RP1: variants seen among roughly 807,000 people sequenced by gnomAD.
RP1 encodes the protein RP1 axonemal microtubule associated, also known as oxygen-regulated protein 1.
A neutral mutation model predicts 14.8 loss-of-function variants in RP1; 16 were observed. The ratio of observed to expected loss-of-function variants is 1.08; its 90% CI spans 0.73 to 1.65. The LOEUF (loss-of-function observed/expected upper bound fraction) is 1.65, where lower values mean the gene tolerates loss of function less well. Among genes scored for constraint, RP1 ranks in the 40% most tolerant of loss-of-function variants. RP1 has a pLI of 0.00. For missense variants in RP1, 2,631 were observed against 2,535.0 expected, an observed-to-expected ratio of 1.04 and a Z score of -0.81; for synonymous variants, 876 against 883.6, an observed-to-expected ratio of 0.99 and a Z score of 0.15.
chr8:54,831,562 C>T (rs574186382), intron 24 of RP1, among the ~76,000 whole-genome samples: 2 of 151,458 alleles, frequency 1.3e-5, no homozygotes, highest in East Asian at 3.9e-4. Context: ...CCCTTCAACC[C>T]CTTATGCTAT....
intron 9 of RP1, among the ~76,000 whole-genome samples, chr8:54,679,182 AT>A (rs1807366277): frequency 6.6e-6 from 1 of 152,186 alleles, no homozygotes; most frequent in African/African-American, 2.4e-5. Flanking sequence ...CACCTGTGTT[AT>A]TAGGCAAAAA....
At chr8:54,639,253 A>C (rs565996597) in intron 3 of RP1, among the ~76,000 whole-genome samples, 1 of 152,222 alleles carries the variant, frequency 6.6e-6, no homozygotes, top group Admixed American at 6.5e-5. Context: ...TGCCTGAATC[A>C]GTAGTTGTTT....
chr8:54,824,695 C>CA (rs1444700073), intron 24 of RP1, among the ~76,000 whole-genome samples: 1 of 151,936 alleles, frequency 6.6e-6, no homozygotes, highest in Non-Finnish European at 1.5e-5. Context: ...CAGCATCCTA[C>CA]AAAAAAAGAA....
intron 24 of RP1, among the ~76,000 whole-genome samples, chr8:54,818,631 G>A (rs1418792054): frequency 6.6e-6 from 1 of 152,226 alleles, no homozygotes. Flanking sequence ...GGAATGGCAG[G>A]AAGGGGTGTC....
chr8:54,667,833 G>A (rs992429661), intron 7 of RP1, among the ~76,000 whole-genome samples: 4 of 152,028 alleles, frequency 2.6e-5, no homozygotes, highest in African/African-American at 4.8e-5. Flanking sequence ...CTCTGAAATT[G>A]GGGCAATAAT....
intron 3 of RP1, among the ~76,000 whole-genome samples, chr8:54,645,023 A>T (rs541548798): frequency 6.6e-6 from 1 of 152,176 alleles, no homozygotes; most frequent in African/African-American, 2.4e-5. Context: ...ATTAATTTAT[A>T]TCATAATTAC....
At chr8:54,642,911 T>A (rs1462020929) in intron 3 of RP1, among the ~76,000 whole-genome samples, 1 of 152,156 alleles carries the variant, frequency 6.6e-6, no homozygotes, top group Non-Finnish European at 1.5e-5. Context: ...GTCACTCTGA[T>A]AGATGAAAAA....
chr8:54,680,078 C>T (rs1029856658), intron 12 of RP1: 36 of 1,091,762 alleles, frequency 3.3e-5, no homozygotes, highest in Non-Finnish European at 4.2e-5. Context: ...AATTTACTAT[C>T]TGTATTAATA....
chr8:54,762,699 C>G (rs1809668956), intron 22 of RP1, among the ~76,000 whole-genome samples: 1 of 152,162 alleles, frequency 6.6e-6, no homozygotes, highest in Non-Finnish European at 1.5e-5. Context: ...TTGCATTGAA[C>G]AACTGAAATA....
chr8:54,775,119 C>T (rs1468898577), intron 23 of RP1, among the ~76,000 whole-genome samples: 1 of 151,738 alleles, frequency 6.6e-6, no homozygotes, highest in Admixed American at 6.6e-5. Context: ...CTCCAAGGGG[C>T]AAACTCACCC....
intron 25 of RP1, among the ~76,000 whole-genome samples, chr8:54,839,486 C>T (rs923512593): frequency 6.6e-6 from 1 of 152,220 alleles, no homozygotes; most frequent in South Asian, 2.1e-4. Context: ...GTTCTGTCTT[C>T]ATGGCCATAG....
intron 1 of RP1, among the ~76,000 whole-genome samples, chr8:54,559,604 G>A (rs1489154513): frequency 1.3e-5 from 2 of 152,136 alleles, no homozygotes; most frequent in Non-Finnish European, 2.9e-5. Context: ...GTTTTGAGAG[G>A]GAGTTTGGAC....
intron 12 of RP1, among the ~76,000 whole-genome samples, chr8:54,699,058 TTTG>T (rs1054733756): frequency 2.0e-5 from 3 of 151,730 alleles, no homozygotes; most frequent in Non-Finnish European, 4.4e-5. Flanking sequence ...AAAGTTTAAC[TTTG>T]TTATCATGAA....
intron 25 of RP1, among the ~76,000 whole-genome samples, chr8:54,844,701 A>G (rs572046888): frequency 1.3e-5 from 2 of 152,248 alleles, no homozygotes; most frequent in Admixed American, 6.5e-5. Flanking sequence ...AATATGAACT[A>G]TACATATTGT....
exon 5 of RP1, chr8:54,652,796 T>C: frequency 2.0e-6 from 3 of 1,535,782 alleles, no homozygotes; most frequent in Non-Finnish European, 2.6e-6. Context: ...GTTGGAGACA[T>C]TGGAGCACTC....
intron 1 of RP1, among the ~76,000 whole-genome samples, chr8:54,610,459 G>T (rs899355491): frequency 1.3e-5 from 2 of 152,056 alleles, no homozygotes; most frequent in Non-Finnish European, 2.9e-5. Flanking sequence ...AGTGCATCAC[G>T]TTTATACCTT....
At chr8:54,751,139 T>C (rs1430841947) in intron 19 of RP1, among the ~76,000 whole-genome samples, 1 of 152,222 alleles carries the variant, frequency 6.6e-6, no homozygotes, top group Non-Finnish European at 1.5e-5. Context: ...AGGAACCAAC[T>C]CCGGACACAT....
rs1806126022 is a variant in RP1 at position 54,628,058 on chromosome 8, T to C, written c.4176T>C (p.Asn1392=). 5.0e-6 allele frequency: 8 copies of C among 1,614,072 alleles called. No homozygotes were observed. The highest frequency in any genetic ancestry group is 6.8e-6 in the Non-Finnish European group (8 of 1,179,950). ...NGFNTLVSHQ[N]VSNLSSCGLC... is the part of the protein sequence containing the mutation. ...TTAATACATTGGTGTCACATCAAAA[T>C]GTCAGTAATTTAAGCTCCTGTGGCC... is the stretch of plus-strand genomic sequence containing the variant. Residue 1392 remains asparagine (N), a synonymous_variant, in exon 4 of 4, where the codon AAT becomes AAC. Transcript: ENST00000220676.
chr8:54,837,530 GGAA>G, exon 25 of RP1: 1 of 1,231,734 alleles, frequency 8.1e-7, no homozygotes, highest in Non-Finnish European at 1.0e-6. Flanking sequence ...GGTGGTATCT[GGAA>G]GAAGTTAGAC....
Sources: gnomAD v4.1 joint callset for allele counts (sites outside exome capture counted in the v4.1 genomes callset) on GRCh38, gnomAD v4.1.1 for gene constraint, MANE v1.5 for transcripts, NCBI Gene and HGNC (gene_info 2026-07-23, HGNC 2026-07-21) for gene names.